PCDH11Y: variants seen among roughly 807,000 people sequenced by gnomAD.
The protein encoded by PCDH11Y is protocadherin-11 Y-linked.
For synonymous variants in PCDH11Y, 9 were observed against 83.6 expected (o/e 0.11, Z 4.87); for missense variants, 12 against 224.8 (o/e 0.05, Z 6.05).
intron 4 of PCDH11Y, among the ~76,000 whole-genome samples, chrY:5,622,797 C>T (rs2053501813): frequency 3.2e-5 from 1 of 31,579 alleles, no homozygotes; most frequent in Non-Finnish European, 7.6e-5. Context: ...AGCAAACTAA[C>T]GCAGGAGTAG....
rs2124675275 is a variant in PCDH11Y at position 5,386,074 on chromosome Y, G to C, written c.3130-114983G>C. Reference sequence around the variant, plus strand: ...GTAGTGGCAAATTCTCTCAGCATTTGTTTGTCTGAAAAAGACTGTATCTTT... The same window carrying C: ...GTAGTGGCAAATTCTCTCAGCATTTCTTTGTCTGAAAAAGACTGTATCTTT... On this transcript the variant is annotated intron_variant, in intron 2 of 4. Coordinates refer to the PCDH11Y transcript ENST00000400457. Among the ~76,000 whole-genome samples the C allele has an allele frequency of 3.3e-4, 11 of 33,207 alleles. No individual in the cohort carries two copies. The South Asian group carries it at 7.2e-3, about 22-fold the overall frequency. The allele number at this position is 33,207 out of a possible 37,273, so 89.1% of individuals were successfully genotyped here.
intron 2 of PCDH11Y, among the ~76,000 whole-genome samples, chrY:5,441,683 G>A: frequency 2.9e-5 from 1 of 34,402 alleles, no homozygotes; most frequent in Admixed American, 2.7e-4. Context: ...AATAATAATT[G>A]TCACTCTGAA....
chrY:5,323,897 GTCT>G (rs2053115924), intron 2 of PCDH11Y, among the ~76,000 whole-genome samples: 4 of 32,047 alleles, frequency 1.2e-4, no homozygotes, highest in African/African-American at 4.9e-4. Flanking sequence ...TTATTGCTGT[GTCT>G]TCTTTTCAGT....
At chrY:5,395,613 A>G (rs2053226200) in intron 2 of PCDH11Y, among the ~76,000 whole-genome samples, 1 of 33,010 alleles carries the variant, frequency 3.0e-5, no homozygotes, top group African/African-American at 1.2e-4. Context: ...GAGAAAATAT[A>G]GTAGTAGTTC....
In PCDH11Y at chrY:5,411,718, G is replaced by A. The variant is rs1602921775; in HGVS notation, c.3130-89339G>A. Among the ~76,000 whole-genome samples, 13 of 31,060 alleles carry A rather than the reference G, an allele frequency of 4.2e-4. No homozygotes were observed. In the South Asian group the frequency reaches 9.3e-3, roughly 22 times the overall value. 83.3% of individuals were successfully genotyped at this position (31,060 alleles called of 37,273 possible). On this transcript the variant is annotated intron_variant, in intron 2 of 4. Coordinates refer to the PCDH11Y transcript ENST00000400457. ...CCTTTCCACATTGCTTGTTTTTGTCGACTTTGTCAATGATCAGATGGTTGT... is the reference window on the plus strand; with the variant it reads ...CCTTTCCACATTGCTTGTTTTTGTCAACTTTGTCAATGATCAGATGGTTGT...
chrY:5,380,536 G>A, intron 2 of PCDH11Y, among the ~76,000 whole-genome samples: 2 of 21,872 alleles, frequency 9.1e-5, no homozygotes, highest in Non-Finnish European at 2.0e-4. Flanking sequence ...TACCACTCTG[G>A]TCCAAGCCTC....
At chrY:5,605,383 T>G in intron 4 of PCDH11Y, among the ~76,000 whole-genome samples, 1 of 33,562 alleles carries the variant, frequency 3.0e-5, no homozygotes, top group African/African-American at 1.2e-4. Flanking sequence ...TGGGTACAAT[T>G]TGAAGAATTA....
At chrY:5,232,455 C>G in intron 2 of PCDH11Y, among the ~76,000 whole-genome samples, 1 of 31,657 alleles carries the variant, frequency 3.2e-5, no homozygotes, top group African/African-American at 1.2e-4. Flanking sequence ...TCCCTTCTGG[C>G]CCAGGGTGTG....
chrY:5,219,323 C>A, intron 2 of PCDH11Y, among the ~76,000 whole-genome samples: 1 of 31,100 alleles, frequency 3.2e-5, no homozygotes, highest in East Asian at 8.5e-4. Flanking sequence ...GAATTTACAT[C>A]CCCCCCCCAC....
chrY:5,730,560 G>C, intron 4 of PCDH11Y, among the ~76,000 whole-genome samples: 1 of 32,862 alleles, frequency 3.0e-5, no homozygotes, highest in Non-Finnish European at 7.6e-5. Flanking sequence ...ATCGACATAG[G>C]TTATCATCTT....
chrY:5,237,664 T>C (rs1602890797), intron 2 of PCDH11Y, among the ~76,000 whole-genome samples: 1 of 32,856 alleles, frequency 3.0e-5, no homozygotes, highest in African/African-American at 1.2e-4. Flanking sequence ...ACTGTGTATC[T>C]AGAATACCCC....
At chrY:5,214,122 AAAC>A (rs2052943024) in intron 2 of PCDH11Y, among the ~76,000 whole-genome samples, 2 of 33,045 alleles carry the variant, frequency 6.1e-5, no homozygotes, top group African/African-American at 2.4e-4. Context: ...TCTATCTCAA[AAAC>A]AACAACAACA....
chrY:5,384,888 C>A (rs2053210356), intron 2 of PCDH11Y, among the ~76,000 whole-genome samples: 1 of 24,243 alleles, frequency 4.1e-5, no homozygotes, highest in Non-Finnish European at 9.2e-5. Flanking sequence ...TGTTATGAAT[C>A]TCCTGTTTTC....
At chrY:5,311,642 G>A in intron 2 of PCDH11Y, among the ~76,000 whole-genome samples, 1 of 28,503 alleles carries the variant, frequency 3.5e-5, no homozygotes, top group East Asian at 9.2e-4. Flanking sequence ...ATGAGGAGAG[G>A]TCTCATGAAG....
intron 4 of PCDH11Y, among the ~76,000 whole-genome samples, chrY:5,687,565 C>G (rs2053564564): frequency 3.6e-5 from 1 of 27,432 alleles, no homozygotes; most frequent in Non-Finnish European, 8.5e-5. Flanking sequence ...GATGGCGCCA[C>G]TGCACTCCAG....
chrY:5,391,220 A>T, intron 2 of PCDH11Y, among the ~76,000 whole-genome samples: 1 of 31,399 alleles, frequency 3.2e-5, no homozygotes, highest in African/African-American at 1.2e-4. Context: ...GACAGAAAAT[A>T]GTTCCTAATA....
intron 2 of PCDH11Y, among the ~76,000 whole-genome samples, chrY:5,409,834 C>T (rs2053244746): frequency 3.0e-5 from 1 of 33,660 alleles, no homozygotes; most frequent in Non-Finnish European, 7.3e-5. Flanking sequence ...TCCTCCAGTG[C>T]AACACGTTAG....
chrY:5,309,626 G>T, intron 2 of PCDH11Y, among the ~76,000 whole-genome samples: 1 of 32,732 alleles, frequency 3.1e-5, no homozygotes, highest in East Asian at 8.1e-4. Context: ...ATAGTAGTGT[G>T]GACAGTGAGC....
intron 2 of PCDH11Y, among the ~76,000 whole-genome samples, chrY:5,369,981 C>G: frequency 3.0e-5 from 1 of 33,058 alleles, no homozygotes; most frequent in Admixed American, 2.8e-4. Context: ...GGTTAATAGG[C>G]TTGTCTTTCA....
Sources: gnomAD v4.1 joint callset for allele counts (sites outside exome capture counted in the v4.1 genomes callset) on GRCh38, gnomAD v4.1.1 for gene constraint, MANE v1.5 for transcripts, NCBI Gene and HGNC (gene_info 2026-07-23, HGNC 2026-07-21) for gene names.